HPSE2: variants seen among roughly 807,000 people sequenced by gnomAD.
The protein encoded by HPSE2 is heparanase 2 (inactive).
A neutral mutation model predicts 60.5 loss-of-function variants in HPSE2; 38 were observed. The observed-to-expected ratio is 0.63, with a 90% CI of 0.48 to 0.82. The LOEUF (loss-of-function observed/expected upper bound fraction) is 0.82. HPSE2 is among the 40% of genes least tolerant of loss of function. HPSE2 has a pLI of 0.00. For missense variants in HPSE2, 713 were observed against 740.4 expected (o/e 0.96, Z 0.43); for synonymous variants, 295 against 293.2 (o/e 1.01, Z -0.06).
At chr10:98,824,637 G>A (rs1178365789) in intron 3 of HPSE2, among the ~76,000 whole-genome samples, 1 of 152,146 alleles carries the variant, frequency 6.6e-6, no homozygotes, top group East Asian at 1.9e-4. Flanking sequence ...GAAAGATTTA[G>A]TTACATTCTG....
At chr10:98,956,209 G>C (rs962069204) in intron 3 of HPSE2, among the ~76,000 whole-genome samples, 1 of 151,924 alleles carries the variant, frequency 6.6e-6, no homozygotes, top group African/African-American at 2.4e-5. Flanking sequence ...GGAAGATGAG[G>C]ACTCTTCCCA....
intron 3 of HPSE2, among the ~76,000 whole-genome samples, chr10:99,101,252 T>C (rs917307591): frequency 6.6e-6 from 1 of 152,018 alleles, no homozygotes; most frequent in Non-Finnish European, 1.5e-5. Flanking sequence ...CCATCTCACA[T>C]GCAAAGACAC....
chr10:99,180,500 A>G (rs1847716297), intron 2 of HPSE2, among the ~76,000 whole-genome samples: 1 of 152,218 alleles, frequency 6.6e-6, no homozygotes, highest in East Asian at 1.9e-4. Context: ...AACATATGAA[A>G]AAAAGCTCCT....
intron 9 of HPSE2, among the ~76,000 whole-genome samples, chr10:98,600,847 C>G (rs1278765466): frequency 7.0e-6 from 1 of 141,860 alleles, no homozygotes; most frequent in African/African-American, 2.6e-5. Context: ...TATATATACA[C>G]ACACATATTA....
At chr10:98,560,218 A>AC (rs1390862971) in intron 9 of HPSE2, among the ~76,000 whole-genome samples, 1 of 152,088 alleles carries the variant, frequency 6.6e-6, no homozygotes, top group Non-Finnish European at 1.5e-5. Flanking sequence ...ATCTCCAAAT[A>AC]CCCTTGGAAG....
At chr10:99,286,795 A>C in the HPSE2 span, among the ~76,000 whole-genome samples, 2 of 152,364 alleles carry the variant, frequency 1.3e-5, no homozygotes, top group East Asian at 3.9e-4. Context: ...GATACCAACC[A>C]GTATTCCTTG....
chr10:98,580,947 C>CT (rs558780857), intron 9 of HPSE2, among the ~76,000 whole-genome samples: 98 of 139,472 alleles, frequency 7.0e-4, no homozygotes, highest in African/African-American at 1.2e-3. Flanking sequence ...ATTCATCTTT[C>CT]TTTTTTTTTT....
intron 3 of HPSE2, among the ~76,000 whole-genome samples, chr10:99,100,157 G>A (rs748795379): frequency 1.3e-5 from 2 of 152,236 alleles, no homozygotes; most frequent in African/African-American, 4.8e-5. Context: ...ACTTTGACAA[G>A]TTGAGAGAAG....
chr10:98,555,626 T>A (rs147974325), intron 9 of HPSE2, among the ~76,000 whole-genome samples: 3 of 152,248 alleles, frequency 2.0e-5, no homozygotes, highest in Non-Finnish European at 2.9e-5. Context: ...TATTCTTCTG[T>A]GTATTTCCAT....
chr10:98,976,645 T>C (rs1408566396), intron 3 of HPSE2, among the ~76,000 whole-genome samples: 5 of 152,056 alleles, frequency 3.3e-5, no homozygotes, highest in South Asian at 2.1e-4. Context: ...CTGCTTATAA[T>C]TGGCAACATA....
At chr10:98,996,520 A>C (rs1956645574) in intron 3 of HPSE2, among the ~76,000 whole-genome samples, 1 of 152,206 alleles carries the variant, frequency 6.6e-6, no homozygotes, top group Non-Finnish European at 1.5e-5. Context: ...ACGAAAATCT[A>C]TGTCTATAAA....
chr10:98,721,604 A>G, intron 5 of HPSE2, 53 bp downstream of exon 5: 1 of 1,503,042 alleles, frequency 6.7e-7, no homozygotes, highest in South Asian at 1.1e-5. Context: ...ATGCAAATAC[A>G]TTAATTCATT....
chr10:99,248,186 C>A, the HPSE2 span, among the ~76,000 whole-genome samples: 2 of 152,074 alleles, frequency 1.3e-5, no homozygotes, highest in East Asian at 1.9e-4. Context: ...CAGAAGCAGA[C>A]AGGAAGATGA....
In HPSE2 at chr10:98,589,446, C is replaced by T. The variant is rs111266722; in HGVS notation, c.1320+25458G>A. On this transcript the variant is annotated intron_variant, in intron 9 of 11. Coordinates refer to ENST00000370552, the MANE Select transcript of HPSE2 (RefSeq NM_021828.5). ...ACAAATAGTGGTCAAGATGATGAGCCCTGGGATGAGACTTCATGCTTCCAA... is the reference window on the plus strand; with the variant it reads ...ACAAATAGTGGTCAAGATGATGAGCTCTGGGATGAGACTTCATGCTTCCAA... 4.3e-3 allele frequency among the ~76,000 whole-genome samples: 650 copies of T among 152,288 alleles called. 3 individuals carry two copies. Among genetic ancestry groups the T allele is most frequent in the African/African-American group, 0.015 (628 of 41,556 alleles).
chr10:99,112,364 C>T (rs547048383), intron 3 of HPSE2, among the ~76,000 whole-genome samples: 1,811 of 152,182 alleles, frequency 0.012, 15 homozygotes, highest in Non-Finnish European at 0.018. Flanking sequence ...CTCAGCCTCC[C>T]GAGTAGCTAG....
At chr10:98,471,767 G>A (rs1462021745) in intron 11 of HPSE2, among the ~76,000 whole-genome samples, 2 of 152,134 alleles carry the variant, frequency 1.3e-5, no homozygotes, top group South Asian at 2.1e-4. Flanking sequence ...AAGCATCAGC[G>A]CTGATAGCCA....
chr10:98,626,336 A>G (rs1157005204), intron 7 of HPSE2, among the ~76,000 whole-genome samples: 1 of 152,200 alleles, frequency 6.6e-6, no homozygotes, highest in Non-Finnish European at 1.5e-5. Context: ...CGTTTATTGT[A>G]CATTTGTATA....
intron 3 of HPSE2, among the ~76,000 whole-genome samples, chr10:98,761,303 C>T (rs1394757719): frequency 1.3e-5 from 2 of 151,942 alleles, no homozygotes; most frequent in African/African-American, 4.8e-5. Flanking sequence ...TAAGAGTTGG[C>T]TTTTTGAAAA....
At chr10:98,741,143 T>C (rs547114158) in intron 4 of HPSE2, among the ~76,000 whole-genome samples, 9 of 152,250 alleles carry the variant, frequency 5.9e-5, no homozygotes, top group African/African-American at 2.2e-4. Flanking sequence ...AGAAAGGCAC[T>C]CTAAGGGGAA....
Sources: gnomAD v4.1 joint callset for allele counts (sites outside exome capture counted in the v4.1 genomes callset) on GRCh38, gnomAD v4.1.1 for gene constraint, MANE v1.5 for transcripts, NCBI Gene and HGNC (gene_info 2026-07-23, HGNC 2026-07-21) for gene names.